The following RNF150 variants were observed in gnomAD, a reference collection of about 807,000 sequenced individuals.
The protein encoded by RNF150 is ring finger protein 150.
A neutral mutation model predicts 39.3 loss-of-function variants in RNF150; 24 were observed. That is an observed-to-expected ratio of 0.61 (90% CI 0.44 to 0.86). The LOEUF (loss-of-function observed/expected upper bound fraction) is 0.86. Ranked by LOEUF, RNF150 falls within the 40% of genes least tolerant of loss-of-function variation. RNF150 has a pLI of 0.00. For synonymous variants in RNF150, 255 were observed against 227.3 expected (o/e 1.12, Z -1.10); for missense variants, 502 against 587.8 (o/e 0.85, Z 1.51).
intron 1 of RNF150, among the ~76,000 whole-genome samples, chr4:141,101,139 C>T (rs1738994959): frequency 6.6e-6 from 1 of 152,112 alleles, no homozygotes; most frequent in African/African-American, 2.4e-5. Flanking sequence ...ATTATTCTGT[C>T]TTCAATAATA....
intron 1 of RNF150, among the ~76,000 whole-genome samples, chr4:141,078,830 T>C (rs188673039): frequency 0.035 from 4,357 of 123,588 alleles, 134 homozygotes; most frequent in South Asian, 0.12. Context: ...TATATATATA[T>C]ATACACACAC....
intron 1 of RNF150, among the ~76,000 whole-genome samples, chr4:141,031,788 A>C (rs1191533787): frequency 6.6e-6 from 1 of 152,130 alleles, no homozygotes; most frequent in African/African-American, 2.4e-5. Context: ...GAACCCTTGT[A>C]CAATGTTGGT....
intron 1 of RNF150, among the ~76,000 whole-genome samples, chr4:141,173,343 A>G (rs1054498823): frequency 1.1e-4 from 17 of 152,202 alleles, no homozygotes; most frequent in Non-Finnish European, 1.8e-4. Flanking sequence ...TTCATTATAC[A>G]TACACTGTAT....
In RNF150 at chr4:140,967,802, T is replaced by C. The variant is rs754102063; in HGVS notation, c.556A>G (p.Asn186Asp). 4 of 1,613,472 alleles carry C rather than the reference T, an allele frequency of 2.5e-6. No individual in the cohort carries two copies. The Admixed American group carries it at 6.7e-5, about 27-fold the overall frequency. ...GTGATGTACATTGTCACGGTGATGT[T>C]TCTTTCCAGCAGGCTTACTATCTCC... ...GKEIVSLLER[N>D]ITVTMYITIG... The change falls in exon 2 of 7, where the codon AAC becomes GAC. Residue 186 changes from asparagine (N) to aspartate (D), a missense_variant. Physicochemically the swap from Asn to Asp is conservative, Grantham distance 23. Transcript: ENST00000515673.
chr4:140,870,624 C>A (rs547256556), intron 6 of RNF150, among the ~76,000 whole-genome samples: 1 of 152,016 alleles, frequency 6.6e-6, no homozygotes, highest in Non-Finnish European at 1.5e-5. Context: ...AGGGTCGTGG[C>A]GTGCTGTTGT....
chr4:141,046,918 A>T (rs1736598511), intron 1 of RNF150, among the ~76,000 whole-genome samples: 1 of 152,122 alleles, frequency 6.6e-6, no homozygotes, highest in Admixed American at 6.5e-5. Flanking sequence ...TTTCAGGCTT[A>T]ACATTGGCTC....
At chr4:141,082,515 T>C (rs1296079746) in intron 1 of RNF150, among the ~76,000 whole-genome samples, 2 of 152,248 alleles carry the variant, frequency 1.3e-5, no homozygotes, top group East Asian at 3.8e-4. Context: ...CCTGCCTTTC[T>C]ACCTCAGAGC....
At chr4:141,149,527 G>T (rs541192802) in intron 1 of RNF150, among the ~76,000 whole-genome samples, 2 of 152,240 alleles carry the variant, frequency 1.3e-5, no homozygotes, top group African/African-American at 4.8e-5. Flanking sequence ...TAGAATAATA[G>T]TCTTCAGTTC....
intron 1 of RNF150, among the ~76,000 whole-genome samples, chr4:141,123,021 C>A (rs1047302216): frequency 1.3e-5 from 2 of 152,172 alleles, no homozygotes; most frequent in African/African-American, 4.8e-5. Context: ...AAACCAGGCA[C>A]CCACTTCATG....
At chr4:141,045,758 G>A (rs140278820) in intron 1 of RNF150, among the ~76,000 whole-genome samples, 7,055 of 152,002 alleles carry the variant, frequency 0.046, 205 homozygotes, top group East Asian at 0.16. Flanking sequence ...TGGCCAGGCT[G>A]GTCTTGAACT....
intron 1 of RNF150, among the ~76,000 whole-genome samples, chr4:141,146,657 T>C (rs757962773): frequency 1.3e-5 from 2 of 152,206 alleles, no homozygotes; most frequent in Non-Finnish European, 2.9e-5. Flanking sequence ...ATGAGGTTAC[T>C]GTACTCTCAT....
chr4:140,985,306 C>T (rs983681294), intron 1 of RNF150, among the ~76,000 whole-genome samples: 14 of 152,094 alleles, frequency 9.2e-5, no homozygotes, highest in African/African-American at 2.4e-4. Context: ...CCTTTTCACG[C>T]CCAATTAACA....
intron 6 of RNF150, among the ~76,000 whole-genome samples, chr4:140,899,087 A>C (rs534115630): frequency 6.6e-6 from 1 of 152,194 alleles, no homozygotes; most frequent in Admixed American, 6.5e-5. Flanking sequence ...GATTTTACTA[A>C]TGGTTTTTTT....
chr4:141,091,677 C>G (rs12505654), intron 1 of RNF150, among the ~76,000 whole-genome samples: 150,808 of 152,274 alleles, frequency 0.99, 74,698 homozygotes, highest in Middle Eastern at 1. Context: ...GGAATTAGAC[C>G]AACTAGATGA....
At chr4:141,035,143 A>C (rs1296503713) in intron 1 of RNF150, among the ~76,000 whole-genome samples, 1 of 152,224 alleles carries the variant, frequency 6.6e-6, no homozygotes, top group Non-Finnish European at 1.5e-5. Flanking sequence ...ACAAGTTTTA[A>C]CGACTTCAAA....
At chr4:141,049,867 C>T (rs998704202) in intron 1 of RNF150, among the ~76,000 whole-genome samples, 3 of 151,812 alleles carry the variant, frequency 2.0e-5, no homozygotes, top group Non-Finnish European at 4.4e-5. Context: ...GAATAGCATG[C>T]CACCACTAAA....
In RNF150 at chr4:141,078,789, C is replaced by CAAAAAAAA. The variant is rs150748282; in HGVS notation, c.484+53528_484+53535dup. On this transcript the variant is annotated intron_variant, in intron 1 of 6. Coordinates refer to ENST00000515673, the MANE Select transcript of RNF150 (RefSeq NM_020724.2). The stretch of plus-strand genomic sequence containing the variant: ...TGGGCGACAGAGCGAAACTCCGTCT[C>CAAAAAAAA]AAAAAAAAAAAAAAAAAAAATATAT... 3.2e-3 allele frequency among the ~76,000 whole-genome samples: 202 copies of CAAAAAAAA among 63,834 alleles called. 2 individuals are homozygous for CAAAAAAAA. The highest frequency in any genetic ancestry group is 4.1e-3 in the Non-Finnish European group (174 of 42,600). The allele number at this position is 63,834 out of a possible 152,430, so 41.9% of individuals were successfully genotyped here. A position where few individuals can be genotyped will look rare whatever the true frequency, so the allele number is the denominator to read the frequency against.
At chr4:141,127,605 C>T (rs1161070990) in intron 1 of RNF150, among the ~76,000 whole-genome samples, 1 of 152,124 alleles carries the variant, frequency 6.6e-6, no homozygotes, top group Non-Finnish European at 1.5e-5. Context: ...CTACATTTTG[C>T]CTCCAACCTT....
intron 6 of RNF150, among the ~76,000 whole-genome samples, chr4:140,895,431 T>C (rs1156538455): frequency 6.6e-6 from 1 of 152,172 alleles, no homozygotes; most frequent in Non-Finnish European, 1.5e-5. Context: ...TATGTCTCTG[T>C]AGGAAATTAG....
Sources: gnomAD v4.1 joint callset for allele counts (sites outside exome capture counted in the v4.1 genomes callset) on GRCh38, gnomAD v4.1.1 for gene constraint, MANE v1.5 for transcripts, NCBI Gene and HGNC (gene_info 2026-07-23, HGNC 2026-07-21) for gene names.